The following RNF214 variants were observed in gnomAD, a reference collection of about 807,000 sequenced individuals.
The protein encoded by RNF214 is ring finger protein 214.
Under a neutral mutation model 75.9 loss-of-function variants are expected in RNF214, and 25 were observed. The ratio of observed to expected loss-of-function variants is 0.33; its 90% CI spans 0.24 to 0.46. The LOEUF is 0.46. Among genes scored for constraint, RNF214 ranks in the 20% least tolerant of loss-of-function variants. The pLI is 1.00. For missense variants in RNF214, 725 were observed against 857.5 expected, an observed-to-expected ratio of 0.85 and a Z score of 1.93; for synonymous variants, 314 against 308.8, an observed-to-expected ratio of 1.02 and a Z score of -0.18.
chr11:117,245,296 G>A (rs1029813440), intron 5 of RNF214, among the ~76,000 whole-genome samples: 2 of 150,884 alleles, frequency 1.3e-5, no homozygotes, highest in Non-Finnish European at 3.0e-5. Context: ...TCCAGCCTGA[G>A]TGACAGAACG....
At chr11:117,266,407 T>A (rs2033797574) in intron 6 of RNF214, among the ~76,000 whole-genome samples, 1 of 152,206 alleles carries the variant, frequency 6.6e-6, no homozygotes, top group African/African-American at 2.4e-5. Flanking sequence ...TCACCCAGGC[T>A]GGAGTGCAGT....
At chr11:117,269,500 C>T (rs2033863712) in intron 6 of RNF214, among the ~76,000 whole-genome samples, 1 of 152,106 alleles carries the variant, frequency 6.6e-6, no homozygotes, top group Non-Finnish European at 1.5e-5. Context: ...GTAGCTGGGA[C>T]AATAGGTGTG....
chr11:117,281,392 A>G lies in RNF214; in HGVS notation c.1224A>G (p.Lys408=). ...GACTGAATGGAGTTCGGATAATGAA[A>G]AAGAATGTTCGTGTAAGTGTATCTA... The part of the protein sequence containing the change: ...ETRLNGVRIM[K]KNVRDQFNSH... The change falls in exon 9 of 15, where the codon AAA becomes AAG. Residue 408 remains lysine, a synonymous_variant. Transcript: ENST00000300650. The G allele has an allele frequency of 6.2e-7, 1 of 1,611,732 alleles. No individual in the cohort carries two copies. The highest frequency in any genetic ancestry group is 8.5e-7 in the Non-Finnish European group (1 of 1,177,888).
chr11:117,263,286 CTTT>C (rs1219811254), intron 6 of RNF214, among the ~76,000 whole-genome samples: 1 of 135,738 alleles, frequency 7.4e-6, no homozygotes, highest in African/African-American at 2.8e-5. Flanking sequence ...GAAAAAAAAA[CTTT>C]TTTTTTTTTG....
intron 6 of RNF214, among the ~76,000 whole-genome samples, chr11:117,266,154 A>G (rs2033791224): frequency 6.6e-6 from 1 of 152,142 alleles, no homozygotes; most frequent in Admixed American, 6.6e-5. Flanking sequence ...GAAGTCATGG[A>G]CAATTCACAT....
At chr11:117,243,925 C>G (rs753620335) in intron 4 of RNF214, among the ~76,000 whole-genome samples, 4 of 152,152 alleles carry the variant, frequency 2.6e-5, no homozygotes, top group Non-Finnish European at 5.9e-5. Context: ...TACCAGGTTC[C>G]CAGGCCTCTT....
At chr11:117,273,924 A>T (rs2033960112) in intron 6 of RNF214, among the ~76,000 whole-genome samples, 1 of 152,224 alleles carries the variant, frequency 6.6e-6, no homozygotes. Context: ...ATCTGAAAGA[A>T]TATCTTAAAG....
chr11:117,278,197 G>C (rs1193712282), intron 6 of RNF214, among the ~76,000 whole-genome samples: 1 of 151,978 alleles, frequency 6.6e-6, no homozygotes, highest in African/African-American at 2.4e-5. Context: ...CCACCTACTC[G>C]GGAGGCTGAG....
intron 6 of RNF214, among the ~76,000 whole-genome samples, chr11:117,261,439 G>A (rs2134391943): frequency 6.6e-6 from 1 of 152,124 alleles, no homozygotes; most frequent in East Asian, 1.9e-4. Context: ...AATTAGCCAG[G>A]CATGGTGGCA....
At chr11:117,255,994 A>G (rs512188) in intron 6 of RNF214, among the ~76,000 whole-genome samples, 108,956 of 152,150 alleles carry the variant, frequency 0.72, 40,512 homozygotes, top group East Asian at 0.95. Context: ...TCACATTTAT[A>G]TCTCTAGGTA....
At chr11:117,270,588 C>T (rs1176106825) in intron 6 of RNF214, among the ~76,000 whole-genome samples, 2 of 149,652 alleles carry the variant, frequency 1.3e-5, no homozygotes, top group Non-Finnish European at 3.0e-5. Flanking sequence ...GCTGGGACTA[C>T]AGGTGCCTAC....
chr11:117,281,634 A>G lies in RNF214; in HGVS notation c.1271A>G (p.Asn424Ser). The change falls in exon 10 of 15, where the codon AAC becomes AGC. Residue 424 changes from asparagine to serine, a missense_variant. This residue lies in a region of RNF214 where 363 missense variants were observed against 513.0 expected (regional missense o/e 0.71). Transcript: ENST00000300650. The part of the protein sequence containing the change: ...QFNSHIQLVR[N>S]GAKLSSLPQI... ...AATAGTCATATCCAGTTAGTGAGGA[A>G]CGGAGCCAAGCTGAGCAGCCTTCCT... 1 of 1,613,754 alleles carries G rather than the reference A, an allele frequency of 6.2e-7. No individual in the cohort carries two copies. Among genetic ancestry groups the G allele is most frequent in the Non-Finnish European group, 8.5e-7 (1 of 1,179,748 alleles).
At chr11:117,281,100 A>C (rs1240383913) in intron 8 of RNF214, among the ~76,000 whole-genome samples, 1 of 148,842 alleles carries the variant, frequency 6.7e-6, no homozygotes, top group African/African-American at 2.5e-5. Flanking sequence ...TCAGCCTGCC[A>C]AGTAGCTGGG....
intron 5 of RNF214, among the ~76,000 whole-genome samples, chr11:117,245,343 C>CT (rs550778591): frequency 0.033 from 4,672 of 139,632 alleles, 144 homozygotes; most frequent in East Asian, 0.093. Flanking sequence ...TACTCATAGA[C>CT]TTTTTTTTTT....
intron 6 of RNF214, among the ~76,000 whole-genome samples, chr11:117,264,104 C>T (rs529821071): frequency 5.0e-4 from 76 of 152,248 alleles, no homozygotes; most frequent in African/African-American, 1.6e-3. Flanking sequence ...GGGCGGATCA[C>T]GCGGTCAGGA....
In RNF214 at chr11:117,282,572, T is replaced by C. The variant is rs555183635; in HGVS notation, c.1845+36T>C. On this transcript the variant is annotated intron_variant, in intron 12 of 14. Coordinates refer to ENST00000300650, the MANE Select transcript of RNF214 (RefSeq NM_207343.4). ...CCACTTGGGAGAGAACTTAGGCATG[T>C]TGAGGGCTGGGGAAGAGGTAGATTT... 245 of 1,609,488 alleles carry C rather than the reference T, an allele frequency of 1.5e-4. No homozygotes were observed. In the South Asian group the frequency reaches 2.6e-3, roughly 17 times the overall value.
At chr11:117,249,260 TCAA>T (rs1286889298) in intron 6 of RNF214, among the ~76,000 whole-genome samples, 1 of 152,154 alleles carries the variant, frequency 6.6e-6, no homozygotes, top group East Asian at 1.9e-4. Context: ...TTTTTTACCT[TCAA>T]CAAACTCACT....
chr11:117,244,326 G>T, intron 4 of RNF214, 119 bp from the exon 5 acceptor site: 1 of 738,642 alleles, frequency 1.4e-6, no homozygotes, highest in African/African-American at 1.8e-5. Flanking sequence ...GGCTAGTAGA[G>T]TAGCTTCATT....
At chr11:117,265,554 C>T (rs1026629665) in intron 6 of RNF214, among the ~76,000 whole-genome samples, 4 of 152,038 alleles carry the variant, frequency 2.6e-5, no homozygotes, top group Admixed American at 6.6e-5. Context: ...GCTGGGATTA[C>T]AGGCCCCCAC....
Sources: allele counts gnomAD v4.1 joint callset (sites outside exome capture counted in the v4.1 genomes callset), GRCh38; gene constraint gnomAD v4.1.1; regional missense constraint gnomAD v4.1.1; transcripts MANE v1.5; gene names NCBI Gene and HGNC (gene_info 2026-07-23, HGNC 2026-07-21).